NMUR2: variants seen among roughly 807,000 people sequenced by gnomAD.
The protein encoded by NMUR2 is neuromedin-U receptor 2.
In NMUR2, 24 loss-of-function variants were observed where a neutral mutation model predicts 25.1. The ratio of observed to expected loss-of-function variants is 0.96; its 90% CI spans 0.69 to 1.34. The LOEUF (loss-of-function observed/expected upper bound fraction) is 1.34, where lower values mean the gene tolerates loss of function less well. NMUR2 is among the 40% of genes most tolerant of loss of function. The probability of loss-of-function intolerance (pLI) is 0.00; values close to 1 mark genes in which losing one functional copy is unlikely to be tolerated. For missense variants in NMUR2, 533 were observed against 512.8 expected, an observed-to-expected ratio of 1.04 and a Z score of -0.38; for synonymous variants, 218 against 208.1, an observed-to-expected ratio of 1.05 and a Z score of -0.41.
intron 2 of NMUR2, among the ~76,000 whole-genome samples, chr5:152,395,798 A>G (rs1753139100): frequency 6.6e-6 from 1 of 151,678 alleles, no homozygotes; most frequent in Admixed American, 6.6e-5. Context: ...TCAGTTTTCC[A>G]TAAGATTATA....
chr5:152,396,983 A>G (rs1054090194), intron 2 of NMUR2, among the ~76,000 whole-genome samples: 2 of 136,896 alleles, frequency 1.5e-5, no homozygotes, highest in Admixed American at 1.5e-4. Context: ...GTATTCTGCT[A>G]TTGTGACTTT....
At chr5:152,401,497 A>G (rs970441410) in intron 1 of NMUR2, among the ~76,000 whole-genome samples, 4 of 152,366 alleles carry the variant, frequency 2.6e-5, no homozygotes, top group African/African-American at 9.6e-5. Flanking sequence ...ATTATAATAT[A>G]GGTTTTGTGT....
At chr5:152,400,048 G>C (rs184732294) in intron 1 of NMUR2, among the ~76,000 whole-genome samples, 1 of 152,198 alleles carries the variant, frequency 6.6e-6, no homozygotes, top group Admixed American at 6.5e-5. Context: ...ACTTGGAAGA[G>C]TGGGTCTTTA....
At chr5:152,404,280 TG>T in intron 1 of NMUR2, 107 bp downstream of exon 1, 1 of 1,341,538 alleles carries the variant, frequency 7.5e-7, no homozygotes, top group Non-Finnish European at 1.0e-6. Context: ...ATTTTCCCTC[TG>T]TTCCCTTCCA....
At position 152,404,850 on chromosome 5, in the gene NMUR2, C is replaced by G. The variant is rs750716485; in HGVS notation, c.264G>C (p.Ala88=). 1 of 1,614,016 alleles carries G rather than the reference C, an allele frequency of 6.2e-7. No individual in the cohort carries two copies. Among genetic ancestry groups the G allele is most frequent in the South Asian group, 1.1e-5 (1 of 91,074 alleles). Residue 88 remains alanine, a synonymous_variant, in exon 1 of 4, where the codon GCG becomes GCC. Transcript: ENST00000255262. The part of the protein sequence containing the change: ...TPTNYYLFSL[A]VSDLLVLLLG... ...GGAGCAGGACCAGGAGGTCAGAGAC[C>G]GCCAGGCTGAAGAGGTAGTAGTTGG...
chr5:152,399,314 T>C (rs1753216783), intron 1 of NMUR2, among the ~76,000 whole-genome samples: 1 of 152,128 alleles, frequency 6.6e-6, no homozygotes, highest in African/African-American at 2.4e-5. Flanking sequence ...TCCTTCCCCA[T>C]TCTTAGTCTT....
rs565470417 is a variant in NMUR2, at chr5:152,399,650, A to G, written c.727-1506T>C. Among the ~76,000 whole-genome samples the G allele has an allele frequency of 2.2e-4, 33 of 152,294 alleles. 1 individual carries two copies. The South Asian group carries it at 5.6e-3, about 26-fold the overall frequency. On this transcript the variant is annotated intron_variant, in intron 1 of 3. Coordinates refer to ENST00000255262, the MANE Select transcript of NMUR2 (RefSeq NM_020167.5). ...CACCATAGAAAAAAAGAGCAAAGAA[A>G]CAGAAATAAAGTTAGGTTTATAATA...
chr5:152,392,100 T>C lies in NMUR2; in HGVS notation c.*91A>G. 9.0e-7 allele frequency: 1 copy of C among 1,106,820 alleles called. No individual in the cohort carries two copies. The highest frequency in any genetic ancestry group is 1.3e-6 in the Non-Finnish European group (1 of 761,836). 68.6% of individuals were successfully genotyped at this position (1,106,820 alleles called of 1,614,324 possible). On this transcript the variant is annotated 3_prime_UTR_variant, in exon 4 of 4. Transcript: ENST00000255262. ...GGTACATGAGTTGTAAGAGCCATTC[T>C]ACCTCTCTAATATCATATGAGAAGG...
At chr5:152,403,314 G>A (rs1446131231) in intron 1 of NMUR2, among the ~76,000 whole-genome samples, 2 of 152,082 alleles carry the variant, frequency 1.3e-5, no homozygotes, top group Admixed American at 1.3e-4. Context: ...AAATGGTCTC[G>A]TAACTGTTTA....
In NMUR2 at chr5:152,404,499, C is replaced by G. The variant is rs772204712; in HGVS notation, c.615G>C (p.Thr205=). ...GSLVPGSATC[T]VIKPMWIYNF... ...TGTAGATCCACATGGGCTTGATGACCGTACAGGTGGCCGAACCTGGGACCA... is the reference window on the plus strand; with the variant it reads ...TGTAGATCCACATGGGCTTGATGACGGTACAGGTGGCCGAACCTGGGACCA... Residue 205 remains threonine, a synonymous_variant, in exon 1 of 4, where the codon ACG becomes ACC. Transcript: ENST00000255262. 1 of 1,614,044 alleles carries G rather than the reference C, an allele frequency of 6.2e-7. No homozygotes were observed. Among genetic ancestry groups the G allele is most frequent in the African/African-American group, 1.3e-5 (1 of 74,998 alleles).
intron 3 of NMUR2, among the ~76,000 whole-genome samples, chr5:152,394,572 G>A (rs749532861): frequency 6.6e-6 from 1 of 152,160 alleles, no homozygotes; most frequent in African/African-American, 2.4e-5. Flanking sequence ...AAGAAACTAG[G>A]TGGTCATTCT....
chr5:152,403,847 T>A (rs1753298587), intron 1 of NMUR2, among the ~76,000 whole-genome samples: 1 of 152,092 alleles, frequency 6.6e-6, no homozygotes. Flanking sequence ...TGTCTGATTT[T>A]AAAACTGAAT....
chr5:152,392,541 C>T, intron 3 of NMUR2, 40 bp from the exon 4 acceptor site: 1 of 1,496,206 alleles, frequency 6.7e-7, no homozygotes. Context: ...CTGAGAAGAA[C>T]TTAAGTGACC....
chr5:152,392,364 G>C lies in NMUR2; in HGVS notation c.1075C>G (p.Pro359Ala). 1 of 1,614,082 alleles carries C rather than the reference G, an allele frequency of 6.2e-7. No individual in the cohort carries two copies. Among genetic ancestry groups the C allele is most frequent in the Non-Finnish European group, 8.5e-7 (1 of 1,179,964 alleles). Reference sequence around the variant, plus strand: ...GTCAGGAAGATGTTCCGCTGGGCAGGTGGCAACTGTGGGTCATGCTGGGAG... The same window carrying C: ...GTCAGGAAGATGTTCCGCTGGGCAGCTGGCAACTGTGGGTCATGCTGGGAG... ...WHSQHDPQLPPAQRNIFLTEC... is the reference protein window; with the variant it reads ...WHSQHDPQLPAAQRNIFLTEC... The change falls in exon 4 of 4, where the codon CCT becomes GCT. Residue 359 changes from proline to alanine, a missense_variant. Transcript: ENST00000255262.
At chr5:152,392,924 C>T (rs144976777) in intron 3 of NMUR2, among the ~76,000 whole-genome samples, 1 of 152,292 alleles carries the variant, frequency 6.6e-6, no homozygotes, top group African/African-American at 2.4e-5. Flanking sequence ...TCAGCCAAGG[C>T]TTAGTTCCTG....
intron 2 of NMUR2, among the ~76,000 whole-genome samples, chr5:152,396,398 T>C (rs551393524): frequency 1.3e-5 from 2 of 152,284 alleles, no homozygotes; most frequent in East Asian, 3.9e-4. Flanking sequence ...TGGGTATTCA[T>C]TTTACAGTTT....
Position 152,404,922 on chromosome 5 carries a change from G to C in NMUR2, c.192C>G (p.Val64=), listed in dbSNP as rs760192382. The C allele has an allele frequency of 4.4e-5, 71 of 1,613,836 alleles. No homozygotes were observed. Among genetic ancestry groups the C allele is most frequent in the Non-Finnish European group, 5.8e-5 (69 of 1,179,988 alleles). The change falls in exon 1 of 4, where the codon GTC becomes GTG. Residue 64 remains valine (V), a synonymous_variant. Coordinates refer to ENST00000255262, the MANE Select transcript of NMUR2 (RefSeq NM_020167.5). Reference sequence around the variant, plus strand: ...GCTGCAGAATCACCAGGCACACCAGGACATTGCCAATGACCCCCACCACAA... The same window carrying C: ...GCTGCAGAATCACCAGGCACACCAGCACATTGCCAATGACCCCCACCACAA... The part of the protein sequence containing the change: ...PIFVVGVIGN[V]LVCLVILQHQ...
At chr5:152,403,513 C>A (rs948477619) in intron 1 of NMUR2, among the ~76,000 whole-genome samples, 2 of 151,986 alleles carry the variant, frequency 1.3e-5, no homozygotes, top group African/African-American at 4.8e-5. Flanking sequence ...AGTTTACCAC[C>A]ATAAACATAG....
At chr5:152,397,962 T>C in intron 2 of NMUR2, 98 bp downstream of exon 2, 3 of 784,162 alleles carry the variant, frequency 3.8e-6, no homozygotes, top group Non-Finnish European at 6.5e-6. Flanking sequence ...TGTTTCAGGA[T>C]AAATTGGAAC....
Sources: allele counts gnomAD v4.1 joint callset (sites outside exome capture counted in the v4.1 genomes callset), GRCh38; gene constraint gnomAD v4.1.1; transcripts MANE v1.5; gene names NCBI Gene and HGNC (gene_info 2026-07-23, HGNC 2026-07-21).